Variants in MRPL22 observed in about 807,000 individuals in gnomAD.
MRPL22 encodes mitochondrial ribosomal protein L22.
In MRPL22, 27 loss-of-function variants were observed where a neutral mutation model predicts 32.4. The observed-to-expected ratio is 0.83, with a 90% CI of 0.61 to 1.15. MRPL22 has a LOEUF of 1.15. Ranked by LOEUF, MRPL22 falls within the 50% of genes most tolerant of loss-of-function variation. The pLI, the probability that MRPL22 is intolerant of heterozygous loss-of-function variation, is 0.00. For synonymous variants in MRPL22, 86 were observed against 87.3 expected (o/e 0.99, Z 0.08); for missense variants, 239 against 260.2 (o/e 0.92, Z 0.56).
chr5:154,948,924 C>T (rs1368627047), intron 2 of MRPL22, among the ~76,000 whole-genome samples: 1 of 152,182 alleles, frequency 6.6e-6, no homozygotes, highest in African/African-American at 2.4e-5. Context: ...TGGCTTTAAA[C>T]ATATTTGATG....
intron 3 of MRPL22, among the ~76,000 whole-genome samples, chr5:154,953,077 G>A (rs1432250788): frequency 6.6e-6 from 1 of 152,140 alleles, no homozygotes; most frequent in Non-Finnish European, 1.5e-5. Flanking sequence ...AGACAGTGAA[G>A]GCTGGGTGTG....
At position 154,966,690 on chromosome 5, in the gene MRPL22, G is replaced by A; in HGVS notation, c.414G>A (p.Glu138=). The change falls in exon 7 of 7, where the codon GAG becomes GAA. Residue 138 remains glutamate (E), a synonymous_variant. Coordinates refer to ENST00000523037, the MANE Select transcript of MRPL22 (RefSeq NM_014180.4). ...VEFRSNLYIA[E]STSGRGQCLK... is the part of the protein sequence containing the mutation. ...TCTCTTTTTCTTCCTGTTTAGCTGA[G>A]TCCACCTCAGGACGAGGCCAGTGCC... 1 of 1,613,702 alleles carries A rather than the reference G, an allele frequency of 6.2e-7. No homozygotes were observed. The highest frequency in any genetic ancestry group is 8.5e-7 in the Non-Finnish European group (1 of 1,180,022).
intron 6 of MRPL22, among the ~76,000 whole-genome samples, chr5:154,964,276 G>A (rs781653950): frequency 6.6e-6 from 1 of 152,214 alleles, no homozygotes; most frequent in African/African-American, 2.4e-5. Context: ...ACTAAAAAAT[G>A]TTTGTTGAGT....
intron 6 of MRPL22, among the ~76,000 whole-genome samples, chr5:154,964,525 G>C (rs1221856526): frequency 6.6e-6 from 1 of 152,130 alleles, no homozygotes; most frequent in Non-Finnish European, 1.5e-5. Context: ...TACACCTCAG[G>C]GTGGCTGTGT....
intron 6 of MRPL22, 26 bp downstream of exon 6, chr5:154,960,075 T>C (rs776567338): frequency 5.3e-6 from 8 of 1,502,900 alleles, no homozygotes; most frequent in Non-Finnish European, 7.4e-6. Flanking sequence ...TTCTTAGCAT[T>C]AGAAAATGTC....
intron 2 of MRPL22, among the ~76,000 whole-genome samples, chr5:154,943,678 AT>A (rs946048561): frequency 6.1e-4 from 89 of 146,202 alleles, no homozygotes; most frequent in Admixed American, 6.2e-4. Flanking sequence ...AGATATTAAA[AT>A]TTTTTTTTTT....
At chr5:154,964,135 G>A (rs1434604952) in intron 6 of MRPL22, among the ~76,000 whole-genome samples, 3 of 152,170 alleles carry the variant, frequency 2.0e-5, no homozygotes, top group African/African-American at 7.2e-5. Context: ...TTAAGATAGT[G>A]TTTTAAAAGT....
chr5:154,964,235 A>G (rs1267500937), intron 6 of MRPL22, among the ~76,000 whole-genome samples: 1 of 152,210 alleles, frequency 6.6e-6, no homozygotes, highest in Non-Finnish European at 1.5e-5. Context: ...ATATCCTTGG[A>G]GCCCAGGACA....
chr5:154,956,334 A>ACATTTTCT, intron 3 of MRPL22, 37 bp from the exon 4 acceptor site: 1 of 1,448,032 alleles, frequency 6.9e-7, no homozygotes, highest in Non-Finnish European at 9.7e-7. Context: ...AAACCTGCTA[A>ACATTTTCT]CATTTTCTTT....
chr5:154,965,391 T>C (rs1157154079), intron 6 of MRPL22, among the ~76,000 whole-genome samples: 1 of 152,118 alleles, frequency 6.6e-6, no homozygotes, highest in Admixed American at 6.6e-5. Context: ...TCTGACTTAT[T>C]GTGGGTGAAC....
chr5:154,950,158 G>A (rs1001918502), intron 2 of MRPL22, among the ~76,000 whole-genome samples: 7 of 152,262 alleles, frequency 4.6e-5, no homozygotes, highest in African/African-American at 1.7e-4. Flanking sequence ...GAGAGAGACA[G>A]TGCAGGGAAA....
At chr5:154,950,057 C>T (rs1262659135) in intron 2 of MRPL22, among the ~76,000 whole-genome samples, 1 of 152,176 alleles carries the variant, frequency 6.6e-6, no homozygotes, top group Non-Finnish European at 1.5e-5. Flanking sequence ...GATTGACTCA[C>T]AGTTCTGCGT....
intron 6 of MRPL22, among the ~76,000 whole-genome samples, chr5:154,960,425 A>C (rs1764686707): frequency 6.6e-6 from 1 of 152,210 alleles, no homozygotes; most frequent in African/African-American, 2.4e-5. Flanking sequence ...GCATTTAAAA[A>C]ATTTTTATTT....
In MRPL22 at chr5:154,966,890, C is replaced by T. The variant is rs1389520884; in HGVS notation, c.614C>T (p.Thr205Ile). 1.9e-6 allele frequency: 3 copies of T among 1,611,068 alleles called. No individual in the cohort carries two copies. Among genetic ancestry groups the T allele is most frequent in the African/African-American group, 2.7e-5 (2 of 74,858 alleles). ...QQLRSRTIVH[T>I]L ...CTTCGCAGCCGGACCATCGTTCACA[C>T]TCTATGATGAGGAGATTCAGACTCC... Residue 205 changes from threonine (T) to isoleucine (I), a missense_variant, in exon 7 of 7, where the codon ACT (threonine) becomes ATT (isoleucine). By Grantham distance (89) the Thr-to-Ile change is moderately conservative (BLOSUM62 -1). Coordinates refer to ENST00000523037, the MANE Select transcript of MRPL22 (RefSeq NM_014180.4).
intron 3 of MRPL22, among the ~76,000 whole-genome samples, chr5:154,952,246 A>G (rs1337936837): frequency 1.3e-5 from 2 of 152,198 alleles, no homozygotes; most frequent in African/African-American, 4.8e-5. Context: ...CTATAACAGC[A>G]CAATTTTGTT....
chr5:154,950,075 G>C (rs746237248), intron 2 of MRPL22, among the ~76,000 whole-genome samples: 11 of 152,166 alleles, frequency 7.2e-5, no homozygotes, highest in Non-Finnish European at 2.9e-5. Context: ...CGTGGCTGGG[G>C]ATGCCTCAGG....
At position 154,968,873 on chromosome 5, in the gene MRPL22, T is replaced by A. The variant is rs1416777590; in HGVS notation, c.*1976T>A. 6.6e-6 allele frequency: 1 copy of A among 152,236 alleles called. No homozygotes were observed. The highest frequency in any genetic ancestry group is 2.1e-4 in the South Asian group (1 of 4,832). The allele number at this position is 152,236 out of a possible 1,614,324, so 9.4% of individuals were successfully genotyped here. On this transcript the variant is annotated 3_prime_UTR_variant, in exon 7 of 7. Transcript: ENST00000523037. Reference sequence around the variant, plus strand: ...TTTCCTTCCCAGGTTAAGCCTTCATTTGGAACTGCTTCCAGTACGTTACAA... The same window carrying A: ...TTTCCTTCCCAGGTTAAGCCTTCATATGGAACTGCTTCCAGTACGTTACAA...
intron 2 of MRPL22, among the ~76,000 whole-genome samples, chr5:154,950,593 A>G (rs1220082929): frequency 6.6e-6 from 1 of 152,198 alleles, no homozygotes; most frequent in Non-Finnish European, 1.5e-5. Flanking sequence ...ATATCTATTA[A>G]CGGTTTGACT....
intron 2 of MRPL22, among the ~76,000 whole-genome samples, chr5:154,945,000 T>C (rs566629138): frequency 4.1e-4 from 63 of 152,336 alleles, no homozygotes; most frequent in African/African-American, 1.5e-3. Context: ...CTTATTATTT[T>C]TTGTAAATAC....
Sources: gnomAD v4.1 joint callset for allele counts (sites outside exome capture counted in the v4.1 genomes callset) on GRCh38, gnomAD v4.1.1 for gene constraint, MANE v1.5 for transcripts, NCBI Gene and HGNC (gene_info 2026-07-23, HGNC 2026-07-21) for gene names.